Variants in MYH4 observed in about 807,000 individuals in gnomAD.
MYH4 encodes the protein myosin-4.
Under a neutral mutation model 229.9 loss-of-function variants are expected in MYH4, and 200 were observed. That is an observed-to-expected ratio of 0.87 (90% CI 0.78 to 0.98). The LOEUF (loss-of-function observed/expected upper bound fraction) is 0.98, where lower values mean the gene tolerates loss of function less well. Ranked by LOEUF, MYH4 falls within the 50% of genes least tolerant of loss-of-function variation. The probability of loss-of-function intolerance (pLI) is 0.00; values close to 1 mark genes in which losing one functional copy is unlikely to be tolerated. For synonymous variants in MYH4, 761 were observed against 834.6 expected (o/e 0.91, Z 1.52); for missense variants, 2,148 against 2,332.6 (o/e 0.92, Z 1.63).
chr17:10,455,472 A>G, intron 19 of MYH4, 142 bp downstream of exon 19: 1 of 1,331,512 alleles, frequency 7.5e-7, no homozygotes, highest in Non-Finnish European at 1.0e-6. Context: ...TTATGATAAT[A>G]TAAACCTAAG....
Position 10,445,161 on chromosome 17 carries a change from A to G in MYH4, c.5296-15T>C. On this transcript the variant is annotated splice_polypyrimidine_tract_variant and intron_variant, in intron 36 of 39. Coordinates refer to ENST00000255381, the MANE Select transcript of MYH4 (RefSeq NM_017533.2). Reference sequence around the variant, plus strand: ...ATCATGGCAGCCTAGTTAGCAAATAAATTTTGAAAATAATGAATTCTGATG... The same window carrying G: ...ATCATGGCAGCCTAGTTAGCAAATAGATTTTGAAAATAATGAATTCTGATG... 11 of 1,614,108 alleles carry G rather than the reference A, an allele frequency of 6.8e-6. No homozygotes were observed. Among genetic ancestry groups the G allele is most frequent in the Non-Finnish European group, 9.3e-6 (11 of 1,180,008 alleles).
At chr17:10,462,016 T>A (rs2072708756) in intron 11 of MYH4, among the ~76,000 whole-genome samples, 2 of 152,158 alleles carry the variant, frequency 1.3e-5, no homozygotes, top group African/African-American at 4.8e-5. Context: ...CTTTTGGACA[T>A]ACAAAGATAA....
Position 10,452,437 on chromosome 17 carries a change from TTGTA to T in MYH4, c.3323_3326del (p.Leu1108GlnfsTer59). Reference sequence around the variant, plus strand: ...TTACCTGTAATTCTTTGATCTTCTTTTGTAGCTGTATTGCAAGGGCTTGTTCATC... The same window carrying T: ...TTACCTGTAATTCTTTGATCTTCTTTGCTGTATTGCAAGGGCTTGTTCATC... On this transcript the variant is annotated frameshift_variant, in exon 26 of 40. Coordinates refer to ENST00000255381, the MANE Select transcript of MYH4 (RefSeq NM_017533.2). LOFTEE classifies it high-confidence loss of function. 1 of 1,614,168 alleles carries T rather than the reference TTGTA, an allele frequency of 6.2e-7. No individual in the cohort carries two copies. The highest frequency in any genetic ancestry group is 8.5e-7 in the Non-Finnish European group (1 of 1,180,014).
rs143952883 is a variant in MYH4 at position 10,459,234 on chromosome 17, A to G, written c.1587+17T>C. The G allele has an allele frequency of 2.9e-4, 474 of 1,614,022 alleles. 1 individual carries two copies. In the African/African-American group the frequency reaches 5.7e-3, roughly 20 times the overall value. On this transcript the variant is annotated intron_variant, in intron 15 of 39. Transcript: ENST00000255381. The stretch of plus-strand genomic sequence containing the variant: ...ATTTGGTTTTCATGTTTTGAAAGCT[A>G]GAAAAGTCATATGAACCTTCTCGAT...
At chr17:10,464,395 A>G in intron 7 of MYH4, 77 bp downstream of exon 7, 1 of 1,222,192 alleles carries the variant, frequency 8.2e-7, no homozygotes, top group South Asian at 1.4e-5. Context: ...CATTTTCTGT[A>G]TACAGTCTAC....
chr17:10,465,302 A>G (rs1398600890), intron 5 of MYH4, 140 bp downstream of exon 5: 3 of 1,208,538 alleles, frequency 2.5e-6, no homozygotes, highest in Non-Finnish European at 3.4e-6. Context: ...TTTTATTCTA[A>G]ATATATTTCC....
chr17:10,448,679 ATTC>A lies in MYH4; in HGVS notation c.4467_4469del (p.Lys1489del). ...GATGATCCAGGGATTCCTCGTAGGC[ATTC>A]TTCACCTTGAACAGCTCAGTGCTGA... On this transcript the variant is annotated inframe_deletion, in exon 32 of 40. Coordinates refer to ENST00000255381, the MANE Select transcript of MYH4 (RefSeq NM_017533.2). 1 of 1,614,110 alleles carries A rather than the reference ATTC, an allele frequency of 6.2e-7. No individual in the cohort carries two copies. Among genetic ancestry groups the A allele is most frequent in the Non-Finnish European group, 8.5e-7 (1 of 1,179,986 alleles).
chr17:10,444,550 CA>C lies in MYH4; in HGVS notation c.5667+53del, dbSNP rs960408724. 18 of 1,446,430 alleles carry C rather than the reference CA, an allele frequency of 1.2e-5. 1 individual carries two copies. The highest frequency in any genetic ancestry group is 1.6e-5 in the Non-Finnish European group (17 of 1,042,986). The allele number at this position is 1,446,430 out of a possible 1,614,324, so 89.6% of individuals were successfully genotyped here. ...CCTAAATTCTATAAACTTTAGGCCCCAAAAAACCTGGATGTGCATCTGAACC... is the reference window on the plus strand; with the variant it reads ...CCTAAATTCTATAAACTTTAGGCCCCAAAAACCTGGATGTGCATCTGAACC... On this transcript the variant is annotated intron_variant, in intron 39 of 39. Coordinates refer to ENST00000255381, the MANE Select transcript of MYH4 (RefSeq NM_017533.2).
chr17:10,457,517 G>C lies in MYH4; in HGVS notation c.1800C>G (p.Asn600Lys). The C allele has an allele frequency of 6.2e-7, 1 of 1,614,224 alleles. No homozygotes were observed. Among genetic ancestry groups the C allele is most frequent in the East Asian group, 2.2e-5 (1 of 44,888 alleles). Reference protein sequence around the residue: ...DYNIAGWLDKNKDPLNETVVG... With the variant: ...DYNIAGWLDKKKDPLNETVVG... ...CCACAGTCTCATTCAGGGGGTCCTTGTTTTTGTCCAGCCAGCCGGCGATGT... is the reference window on the plus strand; with the variant it reads ...CCACAGTCTCATTCAGGGGGTCCTTCTTTTTGTCCAGCCAGCCGGCGATGT... Residue 600 changes from asparagine to lysine, a missense_variant, in exon 16 of 40, where the codon AAC becomes AAG. Coordinates refer to ENST00000255381, the MANE Select transcript of MYH4 (RefSeq NM_017533.2).
At position 10,448,937 on chromosome 17, in the gene MYH4, T is replaced by C. The variant is rs1194831647; in HGVS notation, c.4292A>G (p.Asp1431Gly). ...AGATCGTTCCACATCAATCATGAGG[T>C]CCTCTACTTCATTCTGTAGCCTCTG... ...TKQRLQNEVE[D>G]LMIDVERSNA... Residue 1431 changes from aspartate to glycine, a missense_variant, in exon 31 of 40, where the codon GAC becomes GGC. Coordinates refer to ENST00000255381, the MANE Select transcript of MYH4 (RefSeq NM_017533.2). 6.2e-7 allele frequency: 1 copy of C among 1,614,118 alleles called. No homozygotes were observed. Among genetic ancestry groups the C allele is most frequent in the Non-Finnish European group, 8.5e-7 (1 of 1,180,010 alleles).
intron 35 of MYH4, 110 bp downstream of exon 35, chr17:10,446,903 A>AGC: frequency 1.8e-6 from 2 of 1,109,198 alleles, no homozygotes; most frequent in East Asian, 4.9e-5. Context: ...CATTTTCCAG[A>AGC]GCTCCAGGAA....
At position 10,464,486 on chromosome 17, in the gene MYH4, A is replaced by G. The variant is rs771523160; in HGVS notation, c.634T>C (p.Ser212Pro). ...TGEKKKEEPA[S>P]GKMQGTLEDQ... ...ATCATGCCCACCTGCATTTTGCCAG[A>G]GGCAGGTTCCTCTTTTTTCTTCTCT... Residue 212 changes from serine (S) to proline (P), a missense_variant, in exon 7 of 40, where the codon TCT becomes CCT. Ser to Pro is a moderately conservative substitution (Grantham distance 74, BLOSUM62 -1). Coordinates refer to ENST00000255381, the MANE Select transcript of MYH4 (RefSeq NM_017533.2). 1 of 1,613,188 alleles carries G rather than the reference A, an allele frequency of 6.2e-7. No homozygotes were observed. Among genetic ancestry groups the G allele is most frequent in the East Asian group, 2.2e-5 (1 of 44,866 alleles).
At chr17:10,449,790 C>T (rs1280383603) in intron 30 of MYH4, among the ~76,000 whole-genome samples, 1 of 152,146 alleles carries the variant, frequency 6.6e-6, no homozygotes, top group Non-Finnish European at 1.5e-5. Context: ...CATGACCTTT[C>T]CCAGCCCACA....
chr17:10,455,275 C>T lies in MYH4; in HGVS notation c.2195G>A (p.Ser732Asn). ...AATGAACTGACCCTCTGGGATAGCA[C>T]TCGCATTTAGAACCTTGTATCTGTC... Reference protein sequence around the residue: ...FKQRYKVLNASAIPEGQFIDS... With the variant: ...FKQRYKVLNANAIPEGQFIDS... The change falls in exon 20 of 40, where the codon AGT (serine) becomes AAT (asparagine). Residue 732 changes from serine (S) to asparagine (N), a missense_variant. By Grantham distance (46) the Ser-to-Asn change is conservative (BLOSUM62 1). Coordinates refer to ENST00000255381, the MANE Select transcript of MYH4 (RefSeq NM_017533.2). 4 of 1,613,792 alleles carry T rather than the reference C, an allele frequency of 2.5e-6. No individual in the cohort carries two copies. The highest frequency in any genetic ancestry group is 3.4e-6 in the Non-Finnish European group (4 of 1,179,828).
At chr17:10,461,755 A>C (rs1189431681) in intron 11 of MYH4, among the ~76,000 whole-genome samples, 2 of 152,136 alleles carry the variant, frequency 1.3e-5, no homozygotes, top group Non-Finnish European at 2.9e-5. Context: ...TCGAATTTTG[A>C]TTACCTTTTT....
intron 7 of MYH4, 72 bp downstream of exon 7, chr17:10,464,400 G>T: frequency 7.9e-7 from 1 of 1,262,706 alleles, no homozygotes; most frequent in Non-Finnish European, 1.1e-6. Context: ...TCTGTATACA[G>T]TCTACTGTTG....
In MYH4 at chr17:10,459,866, T is replaced by C. The variant is rs1200726810; in HGVS notation, c.1416+86A>G. On this transcript the variant is annotated intron_variant, in intron 14 of 39. Transcript: ENST00000255381. The stretch of plus-strand genomic sequence containing the variant: ...TCAGTAGGAATTACATTTGTATATT[T>C]TGTAAGGTACATTTTGTAAATGTGA... 3.1e-6 allele frequency: 5 copies of C among 1,605,632 alleles called. No homozygotes were observed. In the Admixed American group the frequency reaches 6.7e-5, roughly 21 times the overall value.
chr17:10,463,314 A>C, intron 9 of MYH4, 24 bp downstream of exon 9: 3 of 1,586,114 alleles, frequency 1.9e-6, no homozygotes, highest in Non-Finnish European at 2.6e-6. Flanking sequence ...AAAGATTCTC[A>C]ATCACTAATA....
Position 10,459,350 on chromosome 17 carries a change from C to G in MYH4, c.1488G>C (p.Met496Ile), listed in dbSNP as rs972335164. 5.6e-6 allele frequency: 9 copies of G among 1,614,140 alleles called. No homozygotes were observed. Among genetic ancestry groups the G allele is most frequent in the Non-Finnish European group, 7.6e-6 (9 of 1,180,018 alleles). ...TGTACTCTTCCTGCTCCAGCACGAA[C>G]ATGTGGTGGTTGAAAAACTGTTGCA... ...EKLQQFFNHHMFVLEQEEYKK... is the reference protein window; with the variant it reads ...EKLQQFFNHHIFVLEQEEYKK... The change falls in exon 15 of 40, where the codon ATG (methionine) becomes ATC (isoleucine). Residue 496 changes from methionine to isoleucine, a missense_variant. By Grantham distance (10) the Met-to-Ile change is conservative. Transcript: ENST00000255381.
Sources: allele counts gnomAD v4.1 joint callset (sites outside exome capture counted in the v4.1 genomes callset), GRCh38; gene constraint gnomAD v4.1.1; transcripts MANE v1.5; gene names NCBI Gene and HGNC (gene_info 2026-07-23, HGNC 2026-07-21).